The following XPO1 variants were observed in gnomAD, a reference collection of about 807,000 sequenced individuals.
XPO1 encodes exportin-1.
Under a neutral mutation model 133.3 loss-of-function variants are expected in XPO1, and 5 were observed. That is an observed-to-expected ratio of 0.04 (90% CI 0.02 to 0.08). The LOEUF (loss-of-function observed/expected upper bound fraction) is 0.08, where lower values mean the gene tolerates loss of function less well. Ranked by LOEUF, XPO1 falls within the 10% of genes least tolerant of loss-of-function variation. XPO1 has a pLI of 1.00. For synonymous variants in XPO1, 419 were observed against 408.2 expected, an observed-to-expected ratio of 1.03 and a Z score of -0.32; for missense variants, 506 against 1,267.5, an observed-to-expected ratio of 0.40 and a Z score of 9.12.
At chr2:61,496,856 T>C in intron 10 of XPO1, 23 bp downstream of exon 10, 1 of 1,505,222 alleles carries the variant, frequency 6.6e-7, no homozygotes, top group Non-Finnish European at 8.9e-7. Context: ...ATTCAGCCAA[T>C]TTTCAAGATA....
intron 4 of XPO1, 95 bp downstream of exon 4, chr2:61,522,516 A>G (rs1346029021): frequency 9.1e-7 from 1 of 1,102,070 alleles, no homozygotes; most frequent in South Asian, 1.4e-5. Context: ...AGCAAAATAT[A>G]CTAAAGATTC....
chr2:61,488,110 T>G (rs1696786517), intron 19 of XPO1, 55 bp downstream of exon 19: 12 of 1,470,966 alleles, frequency 8.2e-6, no homozygotes, highest in Non-Finnish European at 1.1e-5. Context: ...TATAGCATAT[T>G]CCATAAAACA....
chr2:61,479,034 G>T, intron 24 of XPO1, 68 bp from the exon 25 acceptor site: 9 of 1,553,598 alleles, frequency 5.8e-6, no homozygotes, highest in South Asian at 1.2e-5. Context: ...AATCATAGAT[G>T]AGCAATTTCC....
intron 17 of XPO1, among the ~76,000 whole-genome samples, 178 bp from the exon 18 acceptor site, chr2:61,488,949 A>T (rs903542243): frequency 2.0e-5 from 3 of 152,088 alleles, no homozygotes; most frequent in Non-Finnish European, 2.9e-5. Context: ...AAAATACAAA[A>T]AAAATAGCCA....
intron 2 of XPO1, among the ~76,000 whole-genome samples, chr2:61,529,127 C>T (rs905946984): frequency 9.9e-5 from 15 of 151,954 alleles, no homozygotes; most frequent in African/African-American, 3.6e-4. Context: ...GTCAAGGCTG[C>T]AGTGAGCTGT....
intron 9 of XPO1, among the ~76,000 whole-genome samples, chr2:61,498,385 A>T (rs1697344492): frequency 6.6e-6 from 1 of 152,234 alleles, no homozygotes; most frequent in South Asian, 2.1e-4. Flanking sequence ...ATTTTTCAGA[A>T]ATAGCACTTG....
chr2:61,532,126 A>T (rs1699181273), intron 2 of XPO1, among the ~76,000 whole-genome samples: 1 of 151,558 alleles, frequency 6.6e-6, no homozygotes, highest in African/African-American at 2.4e-5. Context: ...ATTTTATTTT[A>T]TTTATTTATT....
At chr2:61,528,275 C>T (rs567827440) in intron 2 of XPO1, among the ~76,000 whole-genome samples, 13 of 152,086 alleles carry the variant, frequency 8.5e-5, no homozygotes, top group African/African-American at 2.9e-4. Flanking sequence ...CACATTTTCA[C>T]GGCATGTGTG....
At chr2:61,505,827 G>C (rs192817735) in intron 4 of XPO1, among the ~76,000 whole-genome samples, 85 of 151,980 alleles carry the variant, frequency 5.6e-4, no homozygotes, top group African/African-American at 2.0e-3. Context: ...CGAAGTGCTG[G>C]GATTACATGA....
At chr2:61,536,618 AAC>A (rs1387248202) in intron 1 of XPO1, 1 of 152,270 alleles carries the variant, frequency 6.6e-6, no homozygotes, top group Non-Finnish European at 1.5e-5. Flanking sequence ...ATTCAGGAAA[AAC>A]ACACCTCATT....
At chr2:61,523,685 T>C (rs1048398288) in intron 3 of XPO1, among the ~76,000 whole-genome samples, 1 of 152,214 alleles carries the variant, frequency 6.6e-6, no homozygotes, top group African/African-American at 2.4e-5. Flanking sequence ...TTTAAAATGG[T>C]TAGTCATTAC....
intron 17 of XPO1, among the ~76,000 whole-genome samples, chr2:61,489,672 A>G (rs999797109): frequency 1.3e-5 from 2 of 150,724 alleles, no homozygotes; most frequent in African/African-American, 4.9e-5. Context: ...CTCCTGCCTC[A>G]GCCTCCTGAG....
At chr2:61,482,813 G>GAC in intron 22 of XPO1, 144 bp downstream of exon 22, 2 of 969,692 alleles carry the variant, frequency 2.1e-6, no homozygotes, top group Non-Finnish European at 3.0e-6. Flanking sequence ...TTTTAGTACA[G>GAC]ACAGTTTCAC....
At chr2:61,527,541 G>T (rs551423457) in intron 2 of XPO1, among the ~76,000 whole-genome samples, 1 of 152,140 alleles carries the variant, frequency 6.6e-6, no homozygotes, top group East Asian at 1.9e-4. Flanking sequence ...AATGTAGCAG[G>T]ACACTCTGCT....
intron 9 of XPO1, 100 bp from the exon 10 acceptor site, chr2:61,497,107 T>A: frequency 2.8e-6 from 4 of 1,428,202 alleles, no homozygotes; most frequent in Non-Finnish European, 3.7e-6. Flanking sequence ...CAATTAAATA[T>A]AGGGGTAGAT....
intron 4 of XPO1, among the ~76,000 whole-genome samples, chr2:61,522,084 T>C (rs72817403): frequency 0.03 from 4,511 of 151,682 alleles, 104 homozygotes; most frequent in Non-Finnish European, 0.045. Context: ...ATATGTTTTT[T>C]TGGAGATGGG....
At chr2:61,510,841 G>A (rs577018555) in intron 4 of XPO1, among the ~76,000 whole-genome samples, 13 of 151,456 alleles carry the variant, frequency 8.6e-5, no homozygotes, top group Non-Finnish European at 1.5e-4. Flanking sequence ...GGAGACTGAC[G>A]CAGGAGGATT....
intron 4 of XPO1, among the ~76,000 whole-genome samples, chr2:61,513,554 A>C (rs1030361161): frequency 2.7e-5 from 4 of 149,020 alleles, no homozygotes; most frequent in Non-Finnish European, 4.5e-5. Context: ...CGAACTGCTG[A>C]CCTCAAGAGA....
chr2:61,525,620 A>T, intron 3 of XPO1: 1 of 1,021,186 alleles, frequency 9.8e-7, no homozygotes, highest in South Asian at 4.6e-5. Context: ...AAAATTTACC[A>T]GGCAAGCAAA....
Sources: allele counts gnomAD v4.1 joint callset (sites outside exome capture counted in the v4.1 genomes callset), GRCh38; gene constraint gnomAD v4.1.1; transcripts MANE v1.5; gene names NCBI Gene and HGNC (gene_info 2026-07-23, HGNC 2026-07-21).